RFX8: variants seen among roughly 807,000 people sequenced by gnomAD.
RFX8 encodes DNA-binding protein RFX8.
In RFX8, 46 loss-of-function variants were observed where a neutral mutation model predicts 54.6. The observed-to-expected ratio is 0.84, with a 90% CI of 0.67 to 1.08. RFX8 has a LOEUF of 1.08. RFX8 is among the 50% of genes least tolerant of loss of function. The pLI is 0.00. For synonymous variants in RFX8, 192 were observed against 209.5 expected, an observed-to-expected ratio of 0.92 and a Z score of 0.72; for missense variants, 536 against 562.3, an observed-to-expected ratio of 0.95 and a Z score of 0.47.
intron 6 of RFX8, among the ~76,000 whole-genome samples, chr2:101,417,057 C>T (rs1686562428): frequency 6.6e-6 from 1 of 152,176 alleles, no homozygotes; most frequent in South Asian, 2.1e-4. Flanking sequence ...TGGATCAGCA[C>T]AAAAATCCAT....
intron 2 of RFX8, among the ~76,000 whole-genome samples, chr2:101,462,710 A>G (rs1689347069): frequency 6.6e-6 from 1 of 152,156 alleles, no homozygotes; most frequent in African/African-American, 2.4e-5. Context: ...ATATATGATG[A>G]AGTGGAAACA....
At chr2:101,462,309 A>G (rs1283105951) in intron 2 of RFX8, among the ~76,000 whole-genome samples, 1 of 152,142 alleles carries the variant, frequency 6.6e-6, no homozygotes, top group African/African-American at 2.4e-5. Flanking sequence ...GCACACGTGT[A>G]GTCCCAGCTA....
chr2:101,457,955 A>G (rs1482891058), intron 2 of RFX8, among the ~76,000 whole-genome samples: 2 of 152,182 alleles, frequency 1.3e-5, no homozygotes, highest in Admixed American at 6.5e-5. Context: ...TCCCTTTACC[A>G]TTATGTAATG....
At chr2:101,459,771 G>C (rs1689167825) in intron 2 of RFX8, among the ~76,000 whole-genome samples, 1 of 152,208 alleles carries the variant, frequency 6.6e-6, no homozygotes, top group Non-Finnish European at 1.5e-5. Flanking sequence ...CTTCAGAGCT[G>C]TCAGACAGGG....
chr2:101,469,558 GA>G (rs1288324826), intron 1 of RFX8, among the ~76,000 whole-genome samples: 1 of 152,108 alleles, frequency 6.6e-6, no homozygotes, highest in Non-Finnish European at 1.5e-5. Context: ...GGCAAAATGT[GA>G]TGTGCATTCA....
intron 2 of RFX8, among the ~76,000 whole-genome samples, chr2:101,444,512 G>T (rs1688265937): frequency 6.6e-6 from 1 of 152,202 alleles, no homozygotes; most frequent in Non-Finnish European, 1.5e-5. Context: ...CCATTTGAAT[G>T]AGAAAAGACA....
chr2:101,428,882 T>A, intron 2 of RFX8: 1 of 911,744 alleles, frequency 1.1e-6, no homozygotes. Flanking sequence ...GAAAAACAGC[T>A]GGATCGAATT....
chr2:101,439,596 C>CTTTTT (rs139433618), intron 2 of RFX8, among the ~76,000 whole-genome samples: 1 of 143,602 alleles, frequency 7.0e-6, no homozygotes, highest in African/African-American at 2.6e-5. Context: ...GATTGAAGTT[C>CTTTTT]ATTTTTTTTT....
intron 1 of RFX8, among the ~76,000 whole-genome samples, chr2:101,467,276 C>T (rs886192734): frequency 4.6e-5 from 7 of 152,130 alleles, no homozygotes; most frequent in Non-Finnish European, 1.0e-4. Flanking sequence ...ATTATTTATT[C>T]CACTTTATGA....
chr2:101,449,797 T>C (rs952481814), intron 2 of RFX8, among the ~76,000 whole-genome samples: 1 of 150,744 alleles, frequency 6.6e-6, no homozygotes, highest in Non-Finnish European at 1.5e-5. Context: ...GGCCAAACAG[T>C]AGGAAGAGTA....
At chr2:101,429,078 A>G in intron 2 of RFX8, 1 of 1,056,986 alleles carries the variant, frequency 9.5e-7, no homozygotes, top group Non-Finnish European at 1.4e-6. Context: ...TCTGAGCAGA[A>G]GCACGAAGTT....
At chr2:101,461,404 T>C (rs974480447) in intron 2 of RFX8, among the ~76,000 whole-genome samples, 1 of 152,114 alleles carries the variant, frequency 6.6e-6, no homozygotes, top group African/African-American at 2.4e-5. Context: ...CAACTTCATC[T>C]CCTCTAACTT....
At chr2:101,452,018 A>G (rs955237286) in intron 2 of RFX8, among the ~76,000 whole-genome samples, 1 of 150,998 alleles carries the variant, frequency 6.6e-6, no homozygotes, top group African/African-American at 2.4e-5. Context: ...GCTTGAGCCC[A>G]GGGGCTTCAG....
chr2:101,407,717 G>T (rs1685823321), intron 9 of RFX8, among the ~76,000 whole-genome samples: 1 of 151,934 alleles, frequency 6.6e-6, no homozygotes, highest in Admixed American at 6.6e-5. Flanking sequence ...CAAAACACAG[G>T]GATACTTCCT....
chr2:101,402,146 G>A (rs1399041151), intron 11 of RFX8, among the ~76,000 whole-genome samples: 1 of 152,220 alleles, frequency 6.6e-6, no homozygotes, highest in Non-Finnish European at 1.5e-5. Flanking sequence ...CTACTGCTGA[G>A]TTAGTCTAAC....
intron 1 of RFX8, among the ~76,000 whole-genome samples, chr2:101,470,694 C>T (rs980076205): frequency 2.0e-5 from 3 of 146,442 alleles, no homozygotes; most frequent in South Asian, 4.4e-4. Flanking sequence ...GTGCTTCACA[C>T]GTTTTCTGAG....
chr2:101,441,201 A>C (rs1688083308), intron 2 of RFX8, among the ~76,000 whole-genome samples: 1 of 152,102 alleles, frequency 6.6e-6, no homozygotes, highest in African/African-American at 2.4e-5. Context: ...TGATCTTCTG[A>C]CCTCATGATC....
At chr2:101,421,183 A>T in intron 4 of RFX8, 2 of 901,964 alleles carry the variant, frequency 2.2e-6, no homozygotes, top group Non-Finnish European at 2.7e-6. Context: ...CAGGAAAAAA[A>T]TCTCATTTGA....
chr2:101,410,658 G>A lies in RFX8; in HGVS notation c.774C>T (p.Leu258=). 1 of 1,546,968 alleles carries A rather than the reference G, an allele frequency of 6.5e-7. No individual in the cohort carries two copies. Among genetic ancestry groups the A allele is most frequent in the Non-Finnish European group, 8.7e-7 (1 of 1,142,870 alleles). ...CTTGGAGATGTGAAGACAGACAGCT[G>A]AGGAATACCCTGAGATCTGTTGATG... ...LGTSTDLRVF[L]SCLSSHLQAF... The change falls in exon 9 of 12, where the codon CTC becomes CTT. Residue 258 remains leucine (L), a synonymous_variant. Transcript: ENST00000428343.
Sources: allele counts gnomAD v4.1 joint callset (sites outside exome capture counted in the v4.1 genomes callset), GRCh38; gene constraint gnomAD v4.1.1; transcripts MANE v1.5; gene names NCBI Gene and HGNC (gene_info 2026-07-23, HGNC 2026-07-21).